Variants in NTRK2 observed in about 807,000 individuals in gnomAD.
NTRK2 encodes the protein neurotrophic receptor tyrosine kinase 2.
Under a neutral mutation model 94.5 loss-of-function variants are expected in NTRK2, and 13 were observed. That is an observed-to-expected ratio of 0.14 (90% CI 0.09 to 0.22). The LOEUF (loss-of-function observed/expected upper bound fraction) is 0.22. NTRK2 is among the 10% of genes least tolerant of loss of function. The pLI is 1.00. For missense variants in NTRK2, 639 were observed against 1,071.2 expected (o/e 0.60, Z 5.63); for synonymous variants, 372 against 407.4 (o/e 0.91, Z 1.05).
chr9:84,995,237 G>A (rs1357939381), intron 17 of NTRK2, among the ~76,000 whole-genome samples: 2 of 152,192 alleles, frequency 1.3e-5, no homozygotes, highest in South Asian at 4.1e-4. Context: ...GCTTCAGAAG[G>A]TGTCACACTG....
At chr9:85,012,262 C>T (rs1415046598) in intron 17 of NTRK2, among the ~76,000 whole-genome samples, 2 of 152,122 alleles carry the variant, frequency 1.3e-5, no homozygotes, top group Non-Finnish European at 2.9e-5. Context: ...GCTGGAATTA[C>T]AGATGTGAGC....
chr9:84,775,188 G>A (rs1290252775), intron 12 of NTRK2, among the ~76,000 whole-genome samples: 1 of 152,184 alleles, frequency 6.6e-6, no homozygotes, highest in Non-Finnish European at 1.5e-5. Flanking sequence ...TGTGGGAGCT[G>A]AGAGGTGGCA....
At chr9:84,680,143 T>G (rs1177127885) in intron 2 of NTRK2, among the ~76,000 whole-genome samples, 3 of 152,152 alleles carry the variant, frequency 2.0e-5, no homozygotes, top group Non-Finnish European at 4.4e-5. Context: ...GTCATGTGGG[T>G]GGGCTGCCAT....
intron 10 of NTRK2, among the ~76,000 whole-genome samples, chr9:84,743,727 T>A (rs536514119): frequency 6.6e-6 from 1 of 152,348 alleles, no homozygotes; most frequent in African/African-American, 2.4e-5. Context: ...AATGTCATGA[T>A]ACTAAACTAT....
At chr9:84,894,118 T>C (rs1199116177) in intron 14 of NTRK2, among the ~76,000 whole-genome samples, 1 of 97,484 alleles carries the variant, frequency 1.0e-5, no homozygotes, top group African/African-American at 3.8e-5. Context: ...TTGCATGCAC[T>C]GGTGAGACCC....
intron 12 of NTRK2, among the ~76,000 whole-genome samples, chr9:84,773,743 T>G (rs1281482208): frequency 6.6e-6 from 1 of 152,208 alleles, no homozygotes; most frequent in Non-Finnish European, 1.5e-5. Context: ...ATCACAGAAT[T>G]GGATTTGAGA....
rs77933075 is a variant in NTRK2 at position 84,712,313 on chromosome 9, T to C, written c.583+1522T>C. 1.4e-4 allele frequency among the ~76,000 whole-genome samples: 21 copies of C among 152,338 alleles called. No homozygotes were observed. The East Asian group carries it at 3.7e-3, about 27-fold the overall frequency. ...GCCTTACGTGTTATTGCTCGGCCAT[T>C]GTGATTGGGATAGGGGACGTGTAGG... On this transcript the variant is annotated intron_variant, in intron 6 of 18. Coordinates refer to ENST00000277120, the MANE Select transcript of NTRK2 (RefSeq NM_006180.6).
chr9:84,798,486 A>G (rs1248809855), intron 12 of NTRK2, among the ~76,000 whole-genome samples: 1 of 152,170 alleles, frequency 6.6e-6, no homozygotes. Context: ...TGCTGACACA[A>G]TGACAGGGGC....
chr9:84,780,726 C>T (rs545485807), intron 12 of NTRK2, among the ~76,000 whole-genome samples: 4 of 152,152 alleles, frequency 2.6e-5, no homozygotes, highest in Non-Finnish European at 5.9e-5. Flanking sequence ...TCAGGGGTAG[C>T]GAATGGTGCT....
At chr9:84,876,986 G>T in intron 14 of NTRK2, 1 of 1,061,072 alleles carries the variant, frequency 9.4e-7, no homozygotes, top group Non-Finnish European at 1.1e-6. Flanking sequence ...CATTTTCTTA[G>T]TAAGATATTG....
intron 12 of NTRK2, among the ~76,000 whole-genome samples, chr9:84,765,305 T>C (rs1028456231): frequency 3.9e-5 from 6 of 152,158 alleles, no homozygotes; most frequent in African/African-American, 1.4e-4. Flanking sequence ...TCAAAACATC[T>C]CATGTACCCC....
intron 12 of NTRK2, among the ~76,000 whole-genome samples, chr9:84,839,143 G>C (rs2074035975): frequency 6.6e-6 from 1 of 152,156 alleles, no homozygotes; most frequent in East Asian, 1.9e-4. Flanking sequence ...AACCTAATGG[G>C]TATCTTTGTC....
chr9:84,944,967 G>A (rs3780646), intron 15 of NTRK2, among the ~76,000 whole-genome samples: 5,977 of 152,314 alleles, frequency 0.039, 148 homozygotes, highest in Admixed American at 0.061. Flanking sequence ...CAGGGTCAGA[G>A]AGCTCGAGGG....
chr9:84,724,438 C>T, intron 8 of NTRK2, 82 bp downstream of exon 8: 1 of 1,540,492 alleles, frequency 6.5e-7, no homozygotes. Flanking sequence ...ACTCTGGGTG[C>T]TGCTTAAATT....
In NTRK2 at chr9:84,670,909, C is replaced by T; in HGVS notation, c.161C>T (p.Ala54Val). 1 of 1,611,030 alleles carries T rather than the reference C, an allele frequency of 6.2e-7. No individual in the cohort carries two copies. The highest frequency in any genetic ancestry group is 8.5e-7 in the Non-Finnish European group (1 of 1,180,014). The part of the protein sequence containing the change: ...WCSDPSPGIV[A>V]FPRLEPNSVD... ...AGCGACCCTTCTCCTGGCATCGTGGCATTTCCGAGATTGGAGCCTAACAGT... is the reference window on the plus strand; with the variant it reads ...AGCGACCCTTCTCCTGGCATCGTGGTATTTCCGAGATTGGAGCCTAACAGT... Residue 54 changes from alanine to valine, a missense_variant, in exon 2 of 19, where the codon GCA becomes GTA. Ala to Val is a moderately conservative substitution (Grantham distance 64). Coordinates refer to ENST00000277120, the MANE Select transcript of NTRK2 (RefSeq NM_006180.6).
At chr9:84,917,279 T>A (rs2077422456) in intron 14 of NTRK2, among the ~76,000 whole-genome samples, 1 of 152,218 alleles carries the variant, frequency 6.6e-6, no homozygotes, top group Non-Finnish European at 1.5e-5. Context: ...GAGTATTGAA[T>A]TTCCATGAAA....
intron 12 of NTRK2, among the ~76,000 whole-genome samples, chr9:84,788,753 C>T (rs1024733686): frequency 3.9e-5 from 6 of 151,928 alleles, no homozygotes; most frequent in Non-Finnish European, 5.9e-5. Flanking sequence ...CTGGGATGGG[C>T]CTAAAGTGGA....
At chr9:84,853,318 G>A (rs2074879571) in intron 12 of NTRK2, among the ~76,000 whole-genome samples, 1 of 152,124 alleles carries the variant, frequency 6.6e-6, no homozygotes, top group Non-Finnish European at 1.5e-5. Context: ...GCTCACTCAA[G>A]GTCATGCCGT....
At chr9:84,842,609 G>A (rs1238646715) in intron 12 of NTRK2, among the ~76,000 whole-genome samples, 1 of 152,092 alleles carries the variant, frequency 6.6e-6, no homozygotes, top group Non-Finnish European at 1.5e-5. Context: ...AGCAGAAACC[G>A]GCATGCTCAT....
Sources: gnomAD v4.1 joint callset for allele counts (sites outside exome capture counted in the v4.1 genomes callset) on GRCh38, gnomAD v4.1.1 for gene constraint, MANE v1.5 for transcripts, NCBI Gene and HGNC (gene_info 2026-07-23, HGNC 2026-07-21) for gene names.